ZBED4: variants seen among roughly 807,000 people sequenced by gnomAD.
ZBED4 encodes the protein zinc finger BED domain-containing protein 4.
In ZBED4, 4 loss-of-function variants were observed where a neutral mutation model predicts 15.5. The observed-to-expected ratio is 0.26, with a 90% CI of 0.13 to 0.59. The LOEUF (loss-of-function observed/expected upper bound fraction) is 0.59. Among genes scored for constraint, ZBED4 ranks in the 20% least tolerant of loss-of-function variants. The probability of loss-of-function intolerance (pLI) is 0.90; values close to 1 mark genes in which losing one functional copy is unlikely to be tolerated. For synonymous variants in ZBED4, 692 were observed against 608.5 expected (o/e 1.14, Z -2.02); for missense variants, 1,323 against 1,461.8 (o/e 0.91, Z 1.55).
chr22:49,880,209 G>A (rs564255035), intron 1 of ZBED4, among the ~76,000 whole-genome samples: 12 of 152,174 alleles, frequency 7.9e-5, no homozygotes, highest in African/African-American at 2.6e-4. Flanking sequence ...TGTTCAGTCC[G>A]GACCCTTCTG....
At chr22:49,867,037 G>A (rs2060325246) in intron 1 of ZBED4, among the ~76,000 whole-genome samples, 1 of 152,152 alleles carries the variant, frequency 6.6e-6, no homozygotes, top group African/African-American at 2.4e-5. Flanking sequence ...ACACAGGTAT[G>A]TAGAGCTTTC....
In ZBED4 at chr22:49,870,972, A is replaced by C. The variant is rs1304838297; in HGVS notation, c.-329-12362A>C. On this transcript the variant is annotated intron_variant, in intron 1 of 1. Coordinates refer to ENST00000216268, the MANE Select transcript of ZBED4 (RefSeq NM_014838.3). ...TTTTTTTTTTTTGAGATGGAGTCTC[A>C]CTCTGTTACCCAGGCTGGAGTGCAG... Among the ~76,000 whole-genome samples, 20 of 144,330 alleles carry C rather than the reference A, an allele frequency of 1.4e-4. No homozygotes were observed. The South Asian group carries it at 4.4e-3, about 31-fold the overall frequency. The allele number at this position is 144,330 out of a possible 152,430, so 94.7% of individuals were successfully genotyped here. A position where few individuals can be genotyped will look rare whatever the true frequency, so the allele number is the denominator to read the frequency against.
intron 1 of ZBED4, among the ~76,000 whole-genome samples, chr22:49,856,593 A>G (rs1195234065): frequency 1.3e-5 from 2 of 152,138 alleles, no homozygotes; most frequent in African/African-American, 4.8e-5. Flanking sequence ...GTTGTTTCGG[A>G]ATTCAGGGGA....
intron 1 of ZBED4, among the ~76,000 whole-genome samples, chr22:49,867,520 C>T (rs2147514775): frequency 6.6e-6 from 1 of 152,282 alleles, no homozygotes; most frequent in East Asian, 1.9e-4. Flanking sequence ...GAGTTTTTGC[C>T]CCAGAAAGAA....
In ZBED4 at chr22:49,886,270, C is replaced by T. The variant is rs1223103507; in HGVS notation, c.2608C>T (p.Leu870=). 1.5e-6 allele frequency: 2 copies of T among 1,343,262 alleles called. No homozygotes were observed. Among genetic ancestry groups the T allele is most frequent in the East Asian group, 2.3e-5 (1 of 43,224 alleles). 83.2% of individuals were successfully genotyped at this position (1,343,262 alleles called of 1,614,324 possible). The change falls in exon 2 of 2, where the codon CTG becomes TTG. Residue 870 remains leucine (L), a synonymous_variant. Transcript: ENST00000216268. This position sits in a 1 kb window ranked among gnomAD's most constrained non-coding sequence, Gnocchi z 7.7. ...VHRSPKAKEK[L]AELQREYALP... ...CCGGTCGCCCAAGGCGAAGGAGAAA[C>T]TGGCCGAGCTGCAGAGGGAGTACGC...
chr22:49,877,473 G>T (rs1479283369), intron 1 of ZBED4, among the ~76,000 whole-genome samples: 1 of 151,844 alleles, frequency 6.6e-6, no homozygotes, highest in Admixed American at 6.6e-5. Context: ...TGTATTTTTA[G>T]TAGAGACGGG....
chr22:49,880,910 T>C (rs978105170), intron 1 of ZBED4, among the ~76,000 whole-genome samples: 11 of 152,222 alleles, frequency 7.2e-5, no homozygotes, highest in Admixed American at 2.0e-4. Flanking sequence ...CAGCAGTGTT[T>C]TGCAGCTTTC....
chr22:49,855,142 C>T (rs2147493703), intron 1 of ZBED4, among the ~76,000 whole-genome samples: 1 of 152,248 alleles, frequency 6.6e-6, no homozygotes, highest in South Asian at 2.1e-4. Flanking sequence ...CAAGGCTGCA[C>T]ACTTCCCGTA....
chr22:49,880,002 T>G (rs1248358097), intron 1 of ZBED4, among the ~76,000 whole-genome samples: 3 of 151,750 alleles, frequency 2.0e-5, no homozygotes, highest in Non-Finnish European at 4.4e-5. Context: ...CAGGTCTGGT[T>G]GTTTTTGTCA....
Position 49,858,096 on chromosome 22 carries a change from G to A in ZBED4, c.-330+4107G>A, listed in dbSNP as rs536007528. 1.2e-3 allele frequency among the ~76,000 whole-genome samples: 180 copies of A among 151,768 alleles called. 1 individual carries two copies. Among genetic ancestry groups the A allele is most frequent in the Non-Finnish European group, 2.1e-3 (140 of 67,926 alleles). ...TTTGTATTTTTAGTAGAGATGGGCT[G>A]TCACCATGTTGGCCAGGCTGGTCTC... On this transcript the variant is annotated intron_variant, in intron 1 of 1. Transcript: ENST00000216268.
intron 1 of ZBED4, among the ~76,000 whole-genome samples, chr22:49,860,985 C>T (rs141352165): frequency 0.03 from 2,434 of 81,598 alleles, 33 homozygotes; most frequent in East Asian, 0.053. Context: ...CACTATGTTG[C>T]CCAGGCTGGT....
chr22:49,883,411 C>T lies in ZBED4; in HGVS notation c.-252C>T. Reference sequence around the variant, plus strand: ...CCTCAGGACCAGAAGCACGTCTCTGCTGCACACATTGTTGTCTACACCATG... The same window carrying T: ...CCTCAGGACCAGAAGCACGTCTCTGTTGCACACATTGTTGTCTACACCATG... On this transcript the variant is annotated 5_prime_UTR_variant, in exon 2 of 2. Transcript: ENST00000216268. 2.6e-6 allele frequency: 1 copy of T among 388,556 alleles called. No individual in the cohort carries two copies. Among genetic ancestry groups the T allele is most frequent in the Non-Finnish European group, 4.5e-6 (1 of 221,738 alleles). The allele number at this position is 388,556 out of a possible 1,614,324, so 24.1% of individuals were successfully genotyped here.
chr22:49,872,716 T>C (rs6009336), intron 1 of ZBED4, among the ~76,000 whole-genome samples: 8,626 of 151,782 alleles, frequency 0.057, 674 homozygotes, highest in African/African-American at 0.18. Context: ...TTTTTTTTTT[T>C]TTTCCTGAGA....
intron 1 of ZBED4, among the ~76,000 whole-genome samples, chr22:49,883,044 C>T (rs533927235): frequency 1.5e-4 from 23 of 152,312 alleles, no homozygotes; most frequent in African/African-American, 5.1e-4. Flanking sequence ...GGCATAAATT[C>T]TAGATGAGGC....
At chr22:49,861,741 C>T (rs1034079576) in intron 1 of ZBED4, among the ~76,000 whole-genome samples, 11 of 152,150 alleles carry the variant, frequency 7.2e-5, no homozygotes, top group African/African-American at 1.9e-4. Flanking sequence ...CTGGCCCCTG[C>T]GTGTCTGGTT....
upstream of ZBED4, among the ~76,000 whole-genome samples, chr22:49,853,573 C>T (rs1004746784): frequency 7.2e-5 from 11 of 152,104 alleles, no homozygotes; most frequent in African/African-American, 2.4e-4. Flanking sequence ...CGCCTAAGCC[C>T]TTCCCGTCGC....
At chr22:49,864,999 C>T (rs2060315229) in intron 1 of ZBED4, among the ~76,000 whole-genome samples, 1 of 131,910 alleles carries the variant, frequency 7.6e-6, no homozygotes, top group African/African-American at 2.8e-5. Flanking sequence ...GTGTTTCTCC[C>T]CTGCAAACCC....
intron 1 of ZBED4, among the ~76,000 whole-genome samples, chr22:49,863,803 A>G (rs2060308241): frequency 6.6e-6 from 1 of 152,170 alleles, no homozygotes; most frequent in Non-Finnish European, 1.5e-5. Context: ...ATGATGAATC[A>G]TTTTCCTATC....
rs1569166521 is a variant in ZBED4, at chr22:49,887,250, C to A, written c.*72C>A. 6 of 1,484,074 alleles carry A rather than the reference C, an allele frequency of 4.0e-6. No homozygotes were observed. The highest frequency in any genetic ancestry group is 9.1e-7 in the Non-Finnish European group (1 of 1,094,330). The allele number at this position is 1,484,074 out of a possible 1,614,324, so 91.9% of individuals were successfully genotyped here. ...TAGCAGCCTGTACCAGGTCTATGAC[C>A]CGCTCTGCCCACGGCTGTGTACGAC... On this transcript the variant is annotated 3_prime_UTR_variant, in exon 2 of 2. Transcript: ENST00000216268.
Sources: allele counts gnomAD v4.1 joint callset (sites outside exome capture counted in the v4.1 genomes callset), GRCh38; gene constraint gnomAD v4.1.1; non-coding constraint Gnocchi (gnomAD v3.1); transcripts MANE v1.5; gene names NCBI Gene and HGNC (gene_info 2026-07-23, HGNC 2026-07-21).